The following PGLYRP3 variants were observed in gnomAD, a reference collection of about 807,000 sequenced individuals.
PGLYRP3 encodes peptidoglycan recognition protein I alpha.
A neutral mutation model predicts 36.0 loss-of-function variants in PGLYRP3; 39 were observed. The ratio of observed to expected loss-of-function variants is 1.08; its 90% CI spans 0.84 to 1.41. The LOEUF is 1.41. Among genes scored for constraint, PGLYRP3 ranks in the 40% most tolerant of loss-of-function variants. The pLI, the probability that PGLYRP3 is intolerant of heterozygous loss-of-function variation, is 0.00. For synonymous variants in PGLYRP3, 204 were observed against 172.8 expected (o/e 1.18, Z -1.42); for missense variants, 407 against 427.9 (o/e 0.95, Z 0.43).
chr1:153,302,324 T>C, intron 6 of PGLYRP3, 85 bp downstream of exon 6: 3 of 1,437,274 alleles, frequency 2.1e-6, no homozygotes, highest in Non-Finnish European at 2.9e-6. Context: ...AAGGAGAGGC[T>C]CAGGAAACAT....
Position 153,302,510 on chromosome 1 carries a change from G to T in PGLYRP3, c.627C>A (p.Thr209=). 2.5e-6 allele frequency: 4 copies of T among 1,614,184 alleles called. No homozygotes were observed. Among genetic ancestry groups the T allele is most frequent in the Non-Finnish European group, 3.4e-6 (4 of 1,180,032 alleles). ...LPAKYVIIIH[T]AGTSCTVSTD... is the part of the protein sequence containing the mutation. ...TGGATACAGTGCAGCTTGTGCCAGC[G>T]GTGTGGATGATGATGACATATTTGG... Residue 209 remains threonine (T), a synonymous_variant, in exon 6 of 8, where the codon ACC becomes ACA. Transcript: ENST00000683862.
rs1279092757 is a variant in PGLYRP3, at chr1:153,299,315, A to C, written c.729-84T>G. 3.1e-6 allele frequency: 3 copies of C among 977,324 alleles called. No individual in the cohort carries two copies. The East Asian group carries it at 7.7e-5, about 25-fold the overall frequency. 60.5% of individuals were successfully genotyped at this position (977,324 alleles called of 1,614,324 possible). ...CATTCACTCCTTCAACCACTCATTC[A>C]TTCTTTCATCCATTCATCCAATATT... On this transcript the variant is annotated intron_variant, in intron 6 of 7. Coordinates refer to ENST00000683862, the MANE Select transcript of PGLYRP3 (RefSeq NM_052891.3).
Position 153,297,136 on chromosome 1 carries a change from T to C in PGLYRP3, c.*820A>G, listed in dbSNP as rs1571095653. 6.6e-6 allele frequency among the ~76,000 whole-genome samples: 1 copy of C among 152,148 alleles called. No homozygotes were observed. The highest frequency in any genetic ancestry group is 1.9e-4 in the East Asian group (1 of 5,176). On this transcript the variant is annotated 3_prime_UTR_variant, in exon 8 of 8. Transcript: ENST00000683862. ...CTGGGTCCACTCATTCATTTATTCA[T>C]CCATTTCTTTAACAAACATCTGTAG...
chr1:153,297,499 AAAGG>A lies in PGLYRP3; in HGVS notation c.*453_*456del, dbSNP rs535766745. 0.011 allele frequency among the ~76,000 whole-genome samples: 596 copies of A among 52,720 alleles called. 5 individuals are homozygous for A. The highest frequency in any genetic ancestry group is 0.039 in the Middle Eastern group (3 of 76). The allele number at this position is 52,720 out of a possible 152,430, so 34.6% of individuals were successfully genotyped here. On this transcript the variant is annotated 3_prime_UTR_variant, in exon 8 of 8. Coordinates refer to ENST00000683862, the MANE Select transcript of PGLYRP3 (RefSeq NM_052891.3). Reference sequence around the variant, plus strand: ...GAGTGAGAAAGCAAGAAAGAAGGTGAAAGGAAGGAAGGAAGGAAGGAAGGAAGGA... The same window carrying A: ...GAGTGAGAAAGCAAGAAAGAAGGTGAAAGGAAGGAAGGAAGGAAGGAAGGA...
At chr1:153,305,392 T>G (rs1323892663) in intron 3 of PGLYRP3, among the ~76,000 whole-genome samples, 1 of 152,198 alleles carries the variant, frequency 6.6e-6, no homozygotes, top group Non-Finnish European at 1.5e-5. Context: ...AATTACTACA[T>G]CATGTTTTTA....
At chr1:153,299,598 C>A (rs935305759) in intron 6 of PGLYRP3, among the ~76,000 whole-genome samples, 2 of 152,146 alleles carry the variant, frequency 1.3e-5, no homozygotes, top group Non-Finnish European at 2.9e-5. Context: ...TTGTTCTCCT[C>A]CTCCTGCTGC....
intron 2 of PGLYRP3, among the ~76,000 whole-genome samples, chr1:153,308,954 G>A (rs1043351695): frequency 5.9e-5 from 9 of 152,030 alleles, no homozygotes; most frequent in Admixed American, 1.3e-4. Flanking sequence ...TCGGTACCCA[G>A]CAGAGTGTCC....
chr1:153,308,130 A>G lies in PGLYRP3; in HGVS notation c.56-863T>C, dbSNP rs137999382. On this transcript the variant is annotated intron_variant, in intron 2 of 7. Transcript: ENST00000683862. The stretch of plus-strand genomic sequence containing the variant: ...TTGCTTCAGCCTCCCGAGTAACTGG[A>G]ATTACAGGTGCATGCCACTATGCCA... Among the ~76,000 whole-genome samples the G allele has an allele frequency of 1.9e-3, 283 of 151,860 alleles. 4 individuals are homozygous for G. The East Asian group carries it at 0.043, about 23-fold the overall frequency.
At position 153,312,633 on chromosome 1, in the gene PGLYRP3, TCA is replaced by T. The variant is rs1659924398; in HGVS notation, c.-42+8_-42+9del. On this transcript the variant is annotated splice_region_variant and intron_variant, in intron 1 of 7. Coordinates refer to ENST00000683862, the MANE Select transcript of PGLYRP3 (RefSeq NM_052891.3). ...CACACACACACACACACACTCAAAC[TCA>T]CAGATACCTGTGGGTTCTGTGCTGT... 6.8e-6 allele frequency among the ~76,000 whole-genome samples: 1 copy of T among 147,856 alleles called. No individual in the cohort carries two copies. Among genetic ancestry groups the T allele is most frequent in the African/African-American group, 2.5e-5 (1 of 39,646 alleles).
intron 3 of PGLYRP3, 148 bp downstream of exon 3, chr1:153,306,918 G>C (rs777712495): frequency 1.3e-6 from 1 of 784,756 alleles, no homozygotes; most frequent in Non-Finnish European, 2.0e-6. Context: ...GAAGGATTCG[G>C]ATTTTGTTTG....
At chr1:153,304,063 C>T in intron 4 of PGLYRP3, 54 bp from the exon 5 acceptor site, 1 of 1,526,982 alleles carries the variant, frequency 6.5e-7, no homozygotes, top group South Asian at 1.2e-5. Context: ...TCCACCTAGA[C>T]CAGACACCTG....
At position 153,297,985 on chromosome 1, in the gene PGLYRP3, T is replaced by G. The variant is rs138438992; in HGVS notation, c.997A>C (p.Ile333Leu). 9.6e-5 allele frequency: 155 copies of G among 1,613,860 alleles called. No individual in the cohort carries two copies. Among genetic ancestry groups the G allele is most frequent in the Middle Eastern group, 6.6e-4 (4 of 6,060 alleles). ...TGCTTGAAATGAGGCCAGGTGCTGA[T>G]GATGTTATACAAAGCCTGCCCAGGG... ...LSPGQALYNI[I>L]STWPHFKH Residue 333 changes from isoleucine (I) to leucine (L), a missense_variant, in exon 8 of 8, where the codon ATC (isoleucine) becomes CTC (leucine). Transcript: ENST00000683862.
chr1:153,301,597 G>A (rs1272301249), intron 6 of PGLYRP3, among the ~76,000 whole-genome samples: 1 of 152,224 alleles, frequency 6.6e-6, no homozygotes, highest in Admixed American at 6.5e-5. Flanking sequence ...CCTGCAAAGT[G>A]AAGCAAGAGT....
intron 4 of PGLYRP3, among the ~76,000 whole-genome samples, chr1:153,304,441 G>A (rs538028550): frequency 8.5e-5 from 13 of 152,166 alleles, no homozygotes; most frequent in Non-Finnish European, 1.5e-4. Context: ...CTGTTACCTA[G>A]CCCCAGCTGT....
intron 7 of PGLYRP3, 136 bp from the exon 8 acceptor site, chr1:153,298,270 C>G (rs561179238): frequency 2.4e-5 from 23 of 974,442 alleles, no homozygotes; most frequent in Non-Finnish European, 3.4e-5. Flanking sequence ...AACACATTTA[C>G]GTAAATTGTG....
Position 153,305,157 on chromosome 1 carries a change from A to T in PGLYRP3, c.258-92T>A, listed in dbSNP as rs143130130. On this transcript the variant is annotated intron_variant, in intron 3 of 7. Coordinates refer to ENST00000683862, the MANE Select transcript of PGLYRP3 (RefSeq NM_052891.3). ...AAAGGAAAAGGGGTTCTGGAGGCTC[A>T]TAAGTAAGTACTATGTTCCAATAAC... The T allele has an allele frequency of 1.4e-5, 14 of 976,224 alleles. No homozygotes were observed. The African/African-American group carries it at 2.1e-4, about 15-fold the overall frequency. 60.5% of individuals were successfully genotyped at this position (976,224 alleles called of 1,614,324 possible). A position where few individuals can be genotyped will look rare whatever the true frequency, so the allele number is the denominator to read the frequency against.
In PGLYRP3 at chr1:153,307,254, G is replaced by A. The variant is rs144008292; in HGVS notation, c.69C>T (p.Ile23=). The A allele has an allele frequency of 5.6e-5, 90 of 1,601,536 alleles. No homozygotes were observed. The highest frequency in any genetic ancestry group is 1.9e-4 in the Middle Eastern group (1 of 5,312). ...LGLQAWDTPT[I]VSRKEWGARP... ...TTGCCCCCCACTCCTTGCGGGAGAC[G>A]ATGGTGGGAGTATCTGTAGGGAAGA... The change falls in exon 3 of 8, where the codon ATC becomes ATT. Residue 23 remains isoleucine, a synonymous_variant. Coordinates refer to ENST00000683862, the MANE Select transcript of PGLYRP3 (RefSeq NM_052891.3).
At position 153,297,540 on chromosome 1, in the gene PGLYRP3, A is replaced by AAGGAAGGAAGGC. The variant is rs1335366376; in HGVS notation, c.*415_*416insGCCTTCCTTCCT. On this transcript the variant is annotated 3_prime_UTR_variant, in exon 8 of 8. Transcript: ENST00000683862. ...GAAGGAAGGAAGGAAGGAAGGAAGGAAGGAAGGAAGGAAAGAAAGAAAAAG... is the reference window on the plus strand; with the variant it reads ...GAAGGAAGGAAGGAAGGAAGGAAGGAAGGAAGGAAGGCAGGAAGGAAGGAAAGAAAGAAAAAG... 6.5e-5 allele frequency among the ~76,000 whole-genome samples: 6 copies of AAGGAAGGAAGGC among 92,076 alleles called. No individual in the cohort carries two copies. 60.4% of individuals were successfully genotyped at this position (92,076 alleles called of 152,430 possible).
At chr1:153,312,041 A>G (rs1433717606) in intron 1 of PGLYRP3, among the ~76,000 whole-genome samples, 1 of 152,214 alleles carries the variant, frequency 6.6e-6, no homozygotes, top group Non-Finnish European at 1.5e-5. Flanking sequence ...CCTCCTGCAA[A>G]GCTACTGGAA....
Sources: allele counts gnomAD v4.1 joint callset (sites outside exome capture counted in the v4.1 genomes callset), GRCh38; gene constraint gnomAD v4.1.1; transcripts MANE v1.5; gene names NCBI Gene and HGNC (gene_info 2026-07-23, HGNC 2026-07-21).